TRIP4: variants seen among roughly 807,000 people sequenced by gnomAD.
TRIP4 encodes activating signal cointegrator 1.
TRIP4 carries 54 observed loss-of-function variants against 81.8 expected under a neutral mutation model. The ratio of observed to expected loss-of-function variants is 0.66; its 90% CI spans 0.53 to 0.83. The LOEUF (loss-of-function observed/expected upper bound fraction) is 0.83, where lower values mean the gene tolerates loss of function less well. Ranked by LOEUF, TRIP4 falls within the 40% of genes least tolerant of loss-of-function variation. TRIP4 has a pLI of 0.00. For synonymous variants in TRIP4, 270 were observed against 242.8 expected (o/e 1.11, Z -1.04); for missense variants, 662 against 683.6 (o/e 0.97, Z 0.35).
chr15:64,413,946 G>A, intron 7 of TRIP4, 139 bp from the exon 8 acceptor site: 1 of 860,262 alleles, frequency 1.2e-6, no homozygotes, highest in Non-Finnish European at 1.7e-6. Context: ...GGAAGTTGGA[G>A]TGGGGAGTAG....
rs569160698 is a variant in TRIP4 at position 64,411,091 on chromosome 15, T to G, written c.1043+1263T>G. On this transcript the variant is annotated intron_variant, in intron 7 of 12. Transcript: ENST00000261884. Reference sequence around the variant, plus strand: ...ATTCTGTTACTGTGAATGGGAGTATTAAAATGATGCAGCCTACATACTGTA... The same window carrying G: ...ATTCTGTTACTGTGAATGGGAGTATGAAAATGATGCAGCCTACATACTGTA... 3.6e-4 allele frequency among the ~76,000 whole-genome samples: 55 copies of G among 152,258 alleles called. 1 individual carries two copies. The highest frequency in any genetic ancestry group is 1.2e-3 in the African/African-American group (48 of 41,562).
At chr15:64,427,410 T>G (rs1156281706) in intron 11 of TRIP4, among the ~76,000 whole-genome samples, 1 of 152,140 alleles carries the variant, frequency 6.6e-6, no homozygotes. Flanking sequence ...GGAAACTGGG[T>G]CTCACTCTGT....
intron 12 of TRIP4, among the ~76,000 whole-genome samples, chr15:64,454,648 G>A (rs900225549): frequency 3.3e-5 from 5 of 152,190 alleles, no homozygotes; most frequent in African/African-American, 1.2e-4. Context: ...ATTTCCCACT[G>A]TGAAATGCCT....
At chr15:64,404,048 G>A (rs1015569407) in intron 5 of TRIP4, among the ~76,000 whole-genome samples, 6 of 152,042 alleles carry the variant, frequency 3.9e-5, no homozygotes, top group African/African-American at 1.2e-4. Context: ...AAAATTAGCC[G>A]TGCATGGTGG....
intron 1 of TRIP4, among the ~76,000 whole-genome samples, chr15:64,389,846 C>T (rs559376135): frequency 5.7e-4 from 86 of 150,266 alleles, no homozygotes; most frequent in African/African-American, 2.0e-3. Context: ...GGATTACAGG[C>T]GCGCACCACC....
chr15:64,411,357 T>C (rs974087997), intron 7 of TRIP4, among the ~76,000 whole-genome samples: 1 of 152,220 alleles, frequency 6.6e-6, no homozygotes, highest in Admixed American at 6.5e-5. Flanking sequence ...GTAACAAATG[T>C]ACCACTCTGG....
rs1186421126 is a variant in TRIP4 at position 64,397,611 on chromosome 15, A to G, written c.411A>G (p.Gln137=). ...TTGATGTCTTTGTACGATAGGCACA[A>G]GAGAACAGCAACTCCGTAAAGAAGA... ...VKTPFDLAKA[Q]ENSNSVKKKT... is the part of the protein sequence containing the mutation. The change falls in exon 4 of 13, where the codon CAA becomes CAG. Residue 137 remains glutamine (Q), a synonymous_variant. Coordinates refer to ENST00000261884, the MANE Select transcript of TRIP4 (RefSeq NM_016213.5). 1 of 1,611,796 alleles carries G rather than the reference A, an allele frequency of 6.2e-7. No individual in the cohort carries two copies. Among genetic ancestry groups the G allele is most frequent in the Admixed American group, 1.7e-5 (1 of 59,976 alleles).
intron 7 of TRIP4, 50 bp downstream of exon 7, chr15:64,409,878 T>C: frequency 3.3e-6 from 5 of 1,537,322 alleles, no homozygotes; most frequent in Non-Finnish European, 3.6e-6. Flanking sequence ...AGGTTGACCA[T>C]AAAGGATTTT....
intron 1 of TRIP4, among the ~76,000 whole-genome samples, chr15:64,389,483 T>G (rs1900053020): frequency 6.6e-6 from 1 of 151,934 alleles, no homozygotes; most frequent in Non-Finnish European, 1.5e-5. Flanking sequence ...ATAAAAAAAG[T>G]AAACAACAAG....
chr15:64,410,024 GTT>G (rs200868565), intron 7 of TRIP4, among the ~76,000 whole-genome samples, 196 bp downstream of exon 7: 4 of 133,866 alleles, frequency 3.0e-5, no homozygotes, highest in Non-Finnish European at 4.9e-5. Context: ...TTGTGGTTTG[GTT>G]TTTTTTTTTT....
intron 12 of TRIP4, among the ~76,000 whole-genome samples, chr15:64,445,655 G>A (rs562804699): frequency 3.4e-4 from 33 of 98,006 alleles, no homozygotes; most frequent in African/African-American, 1.2e-3. Flanking sequence ...GTAACAGAGC[G>A]ACACTCAGTC....
chr15:64,420,303 T>G lies in TRIP4; in HGVS notation c.1358+1575T>G, dbSNP rs183953426. On this transcript the variant is annotated intron_variant, in intron 9 of 12. Coordinates refer to ENST00000261884, the MANE Select transcript of TRIP4 (RefSeq NM_016213.5). ...CGCCTGGCTATTTTTGTATTTTTAG[T>G]AGAGACGAGGTTTCTCCATGTTGGT... Among the ~76,000 whole-genome samples, 65 of 151,714 alleles carry G rather than the reference T, an allele frequency of 4.3e-4. 1 individual carries two copies. Among genetic ancestry groups the G allele is most frequent in the African/African-American group, 1.5e-3 (62 of 41,336 alleles).
At chr15:64,442,880 G>C (rs1173028243) in intron 11 of TRIP4, among the ~76,000 whole-genome samples, 1 of 151,692 alleles carries the variant, frequency 6.6e-6, no homozygotes, top group African/African-American at 2.4e-5. Flanking sequence ...CCAGCTACTC[G>C]GGAGGCTGAG....
intron 11 of TRIP4, among the ~76,000 whole-genome samples, chr15:64,427,285 A>G (rs1261188042): frequency 6.6e-6 from 1 of 152,110 alleles, no homozygotes; most frequent in Non-Finnish European, 1.5e-5. Flanking sequence ...TTCCCAGCAA[A>G]TTCTCTTTTT....
intron 11 of TRIP4, among the ~76,000 whole-genome samples, chr15:64,428,125 G>A (rs1892189826): frequency 6.6e-6 from 1 of 152,166 alleles, no homozygotes; most frequent in East Asian, 1.9e-4. Flanking sequence ...GGAGCATCTG[G>A]CAATGTGGAT....
intron 11 of TRIP4, among the ~76,000 whole-genome samples, chr15:64,435,859 A>T (rs1892382132): frequency 6.8e-6 from 1 of 147,488 alleles, no homozygotes; most frequent in Admixed American, 6.9e-5. Flanking sequence ...GTCCTGCAGA[A>T]GCAATGCTTC....
chr15:64,430,415 T>A (rs935928860), intron 11 of TRIP4, among the ~76,000 whole-genome samples: 2 of 152,238 alleles, frequency 1.3e-5, no homozygotes, highest in Non-Finnish European at 2.9e-5. Context: ...GCAGCAGATG[T>A]AAGCTCTCAA....
intron 6 of TRIP4, among the ~76,000 whole-genome samples, chr15:64,407,664 C>T (rs915565138): frequency 2.0e-5 from 3 of 147,114 alleles, no homozygotes; most frequent in Admixed American, 2.0e-4. Flanking sequence ...GAGACTCTGT[C>T]TCAAAAAAAA....
chr15:64,420,195 C>T (rs559301226), intron 9 of TRIP4, among the ~76,000 whole-genome samples: 25 of 150,340 alleles, frequency 1.7e-4, no homozygotes, highest in Non-Finnish European at 3.2e-4. Context: ...GTTATCAGCT[C>T]ACTGCAACCT....
Sources: gnomAD v4.1 joint callset for allele counts (sites outside exome capture counted in the v4.1 genomes callset) on GRCh38, gnomAD v4.1.1 for gene constraint, MANE v1.5 for transcripts, NCBI Gene and HGNC (gene_info 2026-07-23, HGNC 2026-07-21) for gene names.